The following HMCN2 variants were observed in gnomAD, a reference collection of about 807,000 sequenced individuals.
The protein encoded by HMCN2 is hemicentin-2.
HMCN2 carries 325 observed loss-of-function variants against 377.5 expected under a neutral mutation model. That is an observed-to-expected ratio of 0.86 (90% CI 0.79 to 0.94). HMCN2 has a LOEUF of 0.94. HMCN2 is among the 40% of genes least tolerant of loss of function. The pLI is 0.00. For missense variants in HMCN2, 4,543 were observed against 4,725.3 expected (o/e 0.96, Z 1.13); for synonymous variants, 2,007 against 2,046.8 (o/e 0.98, Z 0.53).
intron 86 of HMCN2, 48 bp downstream of exon 86, chr9:130,419,089 TTGCCGATGGGGATTGTGTGG>T: frequency 7.0e-7 from 1 of 1,435,184 alleles, no homozygotes; most frequent in Non-Finnish European, 9.2e-7. Flanking sequence ...GCAGGATCTC[TTGCCGATGGGGATTGTGTGG>T]TGCTTATGGG....
At chr9:130,282,279 T>TA (rs1173010524) in intron 1 of HMCN2, among the ~76,000 whole-genome samples, 3 of 152,232 alleles carry the variant, frequency 2.0e-5, no homozygotes, top group African/African-American at 7.2e-5. Flanking sequence ...GCCAGGGGTT[T>TA]AGCTACCTGG....
At chr9:130,402,413 G>A (rs1418103744) in intron 77 of HMCN2, among the ~76,000 whole-genome samples, 3 of 152,238 alleles carry the variant, frequency 2.0e-5, no homozygotes, top group Admixed American at 2.0e-4. Context: ...TAGAGGAGGT[G>A]AGTTTTTAGC....
chr9:130,348,775 G>A, intron 27 of HMCN2, 100 bp downstream of exon 27: 1 of 1,262,402 alleles, frequency 7.9e-7, no homozygotes, highest in Non-Finnish European at 1.0e-6. Context: ...GGGGCAGGGA[G>A]ATGTGACAGG....
intron 54 of HMCN2, among the ~76,000 whole-genome samples, chr9:130,379,782 C>T (rs1293509563): frequency 6.6e-6 from 1 of 152,236 alleles, no homozygotes; most frequent in Non-Finnish European, 1.5e-5. Flanking sequence ...AAGCTCATGA[C>T]CCCAAACGCT....
rs1215426849 is a variant in HMCN2 at position 130,313,774 on chromosome 9, CTTTTTT to C, written c.2350+3731_2350+3736del. 3.1e-3 allele frequency among the ~76,000 whole-genome samples: 251 copies of C among 81,562 alleles called. 3 individuals are homozygous for C. The highest frequency in any genetic ancestry group is 0.012 in the African/African-American group (240 of 20,778). The allele number at this position is 81,562 out of a possible 152,430, so 53.5% of individuals were successfully genotyped here. On this transcript the variant is annotated intron_variant, in intron 15 of 97. Coordinates refer to ENST00000683500, the MANE Select transcript of HMCN2 (RefSeq NM_001291815.2). ...TCCTCTCTAAATGAATGTGTGTCCTCTTTTTTTTTTTTTTTTTTTTTTTGAGATGGA... is the reference window on the plus strand; with the variant it reads ...TCCTCTCTAAATGAATGTGTGTCCTCTTTTTTTTTTTTTTTTTGAGATGGA...
chr9:130,297,328 A>T (rs1434295784), intron 7 of HMCN2, among the ~76,000 whole-genome samples: 1 of 152,060 alleles, frequency 6.6e-6, no homozygotes, highest in Non-Finnish European at 1.5e-5. Flanking sequence ...TTGAGGGTGG[A>T]GGCACAGGCA....
At position 130,394,427 on chromosome 9, in the gene HMCN2, C is replaced by T. The variant is rs746834530; in HGVS notation, c.10544C>T (p.Ser3515Leu). ...GACTCAGGCCAGCCTACAGAGCTGT[C>T]GCTGACCCCCGGCGCCCCCATGGAG... ...IEDSGQPTEL[S>L]LTPGAPMELL... is the part of the protein sequence containing the mutation. The change falls in exon 69 of 98, where the codon TCG becomes TTG. Residue 3515 changes from serine (S) to leucine (L), a missense_variant. By Grantham distance (145) the Ser-to-Leu change is moderately radical (BLOSUM62 -2). This residue lies in a region of HMCN2 where 1,073 missense variants were observed against 1,319.5 expected (regional missense o/e 0.81). Transcript: ENST00000683500. This position sits in a 1 kb window ranked among gnomAD's most constrained non-coding sequence, Gnocchi z 5.1. 7 of 1,289,682 alleles carry T rather than the reference C, an allele frequency of 5.4e-6. No individual in the cohort carries two copies. Among genetic ancestry groups the T allele is most frequent in the Non-Finnish European group, 7.1e-6 (7 of 988,794 alleles). The allele number at this position is 1,289,682 out of a possible 1,614,324, so 79.9% of individuals were successfully genotyped here.
intron 7 of HMCN2, among the ~76,000 whole-genome samples, chr9:130,298,394 C>G (rs1398483259): frequency 6.6e-6 from 1 of 152,168 alleles, no homozygotes; most frequent in Non-Finnish European, 1.5e-5. Flanking sequence ...TATAGTGGTG[C>G]ATACCTGTAG....
Position 130,431,448 on chromosome 9 carries a change from CCGGCTACCGT to C in HMCN2, c.14731_14740del (p.Gly4911CysfsTer178). 6.5e-7 allele frequency: 1 copy of C among 1,550,128 alleles called. No homozygotes were observed. The highest frequency in any genetic ancestry group is 8.7e-7 in the Non-Finnish European group (1 of 1,146,850). On this transcript the variant is annotated frameshift_variant, in exon 96 of 98. Coordinates refer to ENST00000683500, the MANE Select transcript of HMCN2 (RefSeq NM_001291815.2). LOFTEE classifies it high-confidence loss of function. Reference sequence around the variant, plus strand: ...GGCAGCTACCAGTGCCTGTGCCCCGCCGGCTACCGTCTGCTCCCCAGCGGGAAGAACTGCC... The same window carrying C: ...GGCAGCTACCAGTGCCTGTGCCCCGCCTGCTCCCCAGCGGGAAGAACTGCC...
In HMCN2 at chr9:130,388,978, G is replaced by A. The variant is rs150949573; in HGVS notation, c.9523+438G>A. Among the ~76,000 whole-genome samples, 242 of 152,316 alleles carry A rather than the reference G, an allele frequency of 1.6e-3. 1 individual carries two copies. Among genetic ancestry groups the A allele is most frequent in the African/African-American group, 5.1e-3 (213 of 41,562 alleles). On this transcript the variant is annotated intron_variant, in intron 62 of 97. Coordinates refer to ENST00000683500, the MANE Select transcript of HMCN2 (RefSeq NM_001291815.2). ...CCATCCAGGCCTCCCCATTCTGGCC[G>A]CTGCTGTGCCCACCGTTCCTCCGCA...
intron 43 of HMCN2, 132 bp downstream of exon 43, chr9:130,366,127 T>C: frequency 7.5e-6 from 5 of 668,532 alleles, no homozygotes; most frequent in Non-Finnish European, 9.3e-6. Context: ...GGGGTGGGGA[T>C]GCTGGTTACA....
intron 34 of HMCN2, among the ~76,000 whole-genome samples, chr9:130,357,591 G>T (rs1405856439): frequency 6.6e-6 from 1 of 152,156 alleles, no homozygotes; most frequent in Non-Finnish European, 1.5e-5. Flanking sequence ...ATGAATAGAT[G>T]CATGGGTGCA....
intron 15 of HMCN2, among the ~76,000 whole-genome samples, chr9:130,317,427 T>A (rs1020486225): frequency 1.3e-5 from 2 of 151,058 alleles, no homozygotes; most frequent in Non-Finnish European, 2.9e-5. Flanking sequence ...GCTATGATTG[T>A]GCCACTGTGC....
chr9:130,350,548 C>T (rs1350913053), intron 29 of HMCN2, among the ~76,000 whole-genome samples: 1 of 149,756 alleles, frequency 6.7e-6, no homozygotes, highest in Non-Finnish European at 1.5e-5. Flanking sequence ...CAGAGCAAGA[C>T]TCCGTCCAAA....
At chr9:130,357,340 G>T (rs1378030554) in intron 34 of HMCN2, among the ~76,000 whole-genome samples, 2 of 150,690 alleles carry the variant, frequency 1.3e-5, no homozygotes, top group Admixed American at 6.6e-5. Context: ...ATGGATGAGT[G>T]GATGAATGGG....
chr9:130,427,401 A>G, intron 91 of HMCN2, 26 bp downstream of exon 91: 1 of 1,550,490 alleles, frequency 6.4e-7, no homozygotes, highest in Non-Finnish European at 8.7e-7. Context: ...CCTGGCATGG[A>G]TGTGGGAGGC....
chr9:130,352,934 C>G lies in HMCN2; in HGVS notation c.4593C>G (p.Pro1531=), dbSNP rs926440553. ...CACCTCTTTCCTTCTCAGCGCCCCC[C>G]ACTATCTGGGGCTCCAACGAGACAG... ...RDFQLRVHAP[P]TIWGSNETGE... The change falls in exon 31 of 98, where the codon CCC becomes CCG. Residue 1531 remains proline, a synonymous_variant. Coordinates refer to ENST00000683500, the MANE Select transcript of HMCN2 (RefSeq NM_001291815.2). The G allele has an allele frequency of 3.9e-6, 5 of 1,279,724 alleles. No homozygotes were observed. The East Asian group carries it at 1.7e-4, about 43-fold the overall frequency. 79.3% of individuals were successfully genotyped at this position (1,279,724 alleles called of 1,614,324 possible).
At position 130,371,422 on chromosome 9, in the gene HMCN2, A is replaced by AAAC. The variant is rs546970436; in HGVS notation, c.7237+293_7237+294insCAA. Among the ~76,000 whole-genome samples the AAAC allele has an allele frequency of 8.0e-4, 122 of 152,074 alleles. 1 individual carries two copies. The highest frequency in any genetic ancestry group is 1.7e-3 in the Admixed American group (26 of 15,276). Reference sequence around the variant, plus strand: ...TTCTGATAAGTCCTGCAGAAAAAAAAAAAACAAACTTTGGCACTTATATAT... The same window carrying AAAC: ...TTCTGATAAGTCCTGCAGAAAAAAAAAACAAAACAAACTTTGGCACTTATATAT... On this transcript the variant is annotated intron_variant, in intron 46 of 97. Coordinates refer to ENST00000683500, the MANE Select transcript of HMCN2 (RefSeq NM_001291815.2).
intron 43 of HMCN2, 69 bp downstream of exon 43, chr9:130,366,064 T>G: frequency 4.1e-6 from 4 of 977,538 alleles, no homozygotes; most frequent in Non-Finnish European, 4.9e-6. Context: ...CAGTCCCCAC[T>G]GGTTACCCCC....
Sources: gnomAD v4.1 joint callset for allele counts (sites outside exome capture counted in the v4.1 genomes callset) on GRCh38, gnomAD v4.1.1 for gene constraint, gnomAD v4.1.1 regional missense constraint, Gnocchi (gnomAD v3.1) non-coding constraint, MANE v1.5 for transcripts, NCBI Gene and HGNC (gene_info 2026-07-23, HGNC 2026-07-21) for gene names.